IL1RL1: variants seen among roughly 807,000 people sequenced by gnomAD.
IL1RL1 encodes interleukin 1 receptor like 1, also known as interleukin-1 receptor-like 1.
Under a neutral mutation model 50.9 loss-of-function variants are expected in IL1RL1, and 32 were observed. The observed-to-expected ratio is 0.63, with a 90% confidence interval of 0.47 to 0.84. IL1RL1 has a LOEUF of 0.84. IL1RL1 is among the 40% of genes least tolerant of loss of function. IL1RL1 has a pLI of 0.00. For synonymous variants in IL1RL1, 275 were observed against 236.0 expected, an observed-to-expected ratio of 1.17 and a Z score of -1.51; for missense variants, 773 against 662.9, an observed-to-expected ratio of 1.17 and a Z score of -1.82.
intron 10 of IL1RL1, among the ~76,000 whole-genome samples, chr2:102,350,750 G>A (rs1453144053): frequency 1.4e-5 from 1 of 72,202 alleles, no homozygotes; most frequent in Admixed American, 1.0e-4. Context: ...CTCCACGTGG[G>A]GCTTCTGGAG....
chr2:102,328,278 A>C (rs2104971840), intron 1 of IL1RL1, among the ~76,000 whole-genome samples: 1 of 152,332 alleles, frequency 6.6e-6, no homozygotes, highest in African/African-American at 2.4e-5. Flanking sequence ...CAATAGATGC[A>C]GAAAAGGCCT....
At position 102,347,207 on chromosome 2, in the gene IL1RL1, C is replaced by T. The variant is rs148777762; in HGVS notation, c.971-738C>T. Among the ~76,000 whole-genome samples, 9 of 152,266 alleles carry T rather than the reference C, an allele frequency of 5.9e-5. No homozygotes were observed. In the South Asian group the frequency reaches 1.0e-3, roughly 18 times the overall value. On this transcript the variant is annotated intron_variant, in intron 8 of 10. Coordinates refer to ENST00000233954, the MANE Select transcript of IL1RL1 (RefSeq NM_016232.5). Reference sequence around the variant, plus strand: ...CTTAATGCCCTGACAGCACCTTGTCCGTTCCTTTCTCATTATTGCATGAGT... The same window carrying T: ...CTTAATGCCCTGACAGCACCTTGTCTGTTCCTTTCTCATTATTGCATGAGT...
intron 1 of IL1RL1, among the ~76,000 whole-genome samples, chr2:102,337,509 A>T (rs1046580220): frequency 6.6e-6 from 1 of 152,184 alleles, no homozygotes; most frequent in African/African-American, 2.4e-5. Context: ...AAATTAATGT[A>T]TTTATTATTA....
chr2:102,317,360 A>G (rs1676707924), intron 1 of IL1RL1, among the ~76,000 whole-genome samples: 1 of 152,206 alleles, frequency 6.6e-6, no homozygotes, highest in Non-Finnish European at 1.5e-5. Context: ...TCTCAAAAAA[A>G]AAAGTTTCAG....
At chr2:102,335,063 A>C (rs951678707) in intron 1 of IL1RL1, among the ~76,000 whole-genome samples, 9 of 152,206 alleles carry the variant, frequency 5.9e-5, no homozygotes, top group Non-Finnish European at 1.0e-4. Context: ...AGTCTTAAAA[A>C]AGTGGGTGTT....
chr2:102,332,487 G>A (rs1189718884), intron 1 of IL1RL1, among the ~76,000 whole-genome samples: 1 of 152,178 alleles, frequency 6.6e-6, no homozygotes, highest in Non-Finnish European at 1.5e-5. Flanking sequence ...AAACAATAAA[G>A]TACAGACCCA....
chr2:102,326,155 T>C (rs1214645607), intron 1 of IL1RL1, among the ~76,000 whole-genome samples: 1 of 152,236 alleles, frequency 6.6e-6, no homozygotes, highest in East Asian at 1.9e-4. Flanking sequence ...GCTGATCTCT[T>C]GGCAGAAACT....
intron 1 of IL1RL1, among the ~76,000 whole-genome samples, chr2:102,315,834 T>A (rs900238966): frequency 6.6e-6 from 1 of 152,210 alleles, no homozygotes; most frequent in African/African-American, 2.4e-5. Context: ...ACATTAAGAC[T>A]TTTGAAACTA....
chr2:102,351,807 TA>T lies in IL1RL1; in HGVS notation c.1561del (p.Arg521GlyfsTer3), dbSNP rs759558814. The T allele has an allele frequency of 3.5e-5, 57 of 1,613,842 alleles. No individual in the cohort carries two copies. Among genetic ancestry groups the T allele is most frequent in the Non-Finnish European group, 4.7e-5 (56 of 1,179,968 alleles). The stretch of plus-strand genomic sequence containing the variant: ...AGTGGAGGGAGGACCACATTGCCAA[TA>T]AAAGGTCCCTGAATTCTAAATTCTG... The part of the protein sequence containing the change: ...IKWREDHIAN[K>X]RSLNSKFWKH... On this transcript the variant is annotated frameshift_variant, in exon 11 of 11. Coordinates refer to ENST00000233954, the MANE Select transcript of IL1RL1 (RefSeq NM_016232.5). LOFTEE classifies it low-confidence loss of function (END_TRUNC).
chr2:102,351,813 G>A lies in IL1RL1; in HGVS notation c.1563G>A (p.Arg521=). ...KWREDHIANK[R]SLNSKFWKHV... is the part of the protein sequence containing the mutation. ...GGGAGGACCACATTGCCAATAAAAG[G>A]TCCCTGAATTCTAAATTCTGGAAGC... Residue 521 remains arginine (R), a synonymous_variant, in exon 11 of 11, where the codon AGG becomes AGA. Coordinates refer to ENST00000233954, the MANE Select transcript of IL1RL1 (RefSeq NM_016232.5). 4 of 1,614,058 alleles carry A rather than the reference G, an allele frequency of 2.5e-6. No individual in the cohort carries two copies. The highest frequency in any genetic ancestry group is 1.3e-5 in the African/African-American group (1 of 75,010).
intron 1 of IL1RL1, among the ~76,000 whole-genome samples, chr2:102,327,581 A>G (rs368015404): frequency 1.3e-5 from 2 of 152,164 alleles, no homozygotes; most frequent in Non-Finnish European, 2.9e-5. Flanking sequence ...TTTTTTGAAA[A>G]GATCAACAAA....
chr2:102,348,828 G>A (rs1677851053), intron 9 of IL1RL1, among the ~76,000 whole-genome samples: 1 of 152,194 alleles, frequency 6.6e-6, no homozygotes, highest in Non-Finnish European at 1.5e-5. Flanking sequence ...GAGATGGACA[G>A]GTTCTTGTCC....
intron 1 of IL1RL1, among the ~76,000 whole-genome samples, chr2:102,329,069 C>T (rs866966133): frequency 5.3e-5 from 8 of 152,250 alleles, no homozygotes; most frequent in African/African-American, 9.6e-5. Flanking sequence ...GGAGGCATCA[C>T]GCTACCTGAC....
At chr2:102,313,521 G>A (rs1676582030) in intron 1 of IL1RL1, 1 of 152,172 alleles carries the variant, frequency 6.6e-6, no homozygotes, top group Admixed American at 6.5e-5. Flanking sequence ...TGTATCTGGG[G>A]TGTCTTCAGT....
intron 1 of IL1RL1, among the ~76,000 whole-genome samples, chr2:102,325,528 A>T (rs761951012): frequency 2.6e-5 from 4 of 152,220 alleles, no homozygotes; most frequent in Non-Finnish European, 5.9e-5. Flanking sequence ...TTGAGAGAAG[A>T]AGGCTTCAGA....
Position 102,338,835 on chromosome 2 carries a change from A to G in IL1RL1, c.62-2A>G. 4.4e-6 allele frequency: 7 copies of G among 1,601,866 alleles called. No homozygotes were observed. Among genetic ancestry groups the G allele is most frequent in the Non-Finnish European group, 6.0e-6 (7 of 1,169,336 alleles). On this transcript the variant is annotated splice_acceptor_variant, in intron 2 of 10. Transcript: ENST00000233954. LOFTEE classifies it high-confidence loss of function. Reference sequence around the variant, plus strand: ...GATTGTCTTTATATCTTTTATTTGCAGGTAAACAATCATGGGGCCTGGAAA... The same window carrying G: ...GATTGTCTTTATATCTTTTATTTGCGGGTAAACAATCATGGGGCCTGGAAA...
chr2:102,324,436 A>G (rs1676930880), intron 1 of IL1RL1, among the ~76,000 whole-genome samples: 1 of 152,204 alleles, frequency 6.6e-6, no homozygotes, highest in Non-Finnish European at 1.5e-5. Flanking sequence ...GACACAGAAG[A>G]CAGGTGATTT....
chr2:102,324,537 C>A (rs1676934146), intron 1 of IL1RL1, among the ~76,000 whole-genome samples: 2 of 152,156 alleles, frequency 1.3e-5, no homozygotes, highest in African/African-American at 4.8e-5. Flanking sequence ...TGAGCGTGAG[C>A]CAAAGCAGGG....
At chr2:102,323,817 C>G (rs1413525750) in intron 1 of IL1RL1, among the ~76,000 whole-genome samples, 1 of 152,094 alleles carries the variant, frequency 6.6e-6, no homozygotes, top group Admixed American at 6.6e-5. Flanking sequence ...CCTCTGAAAC[C>G]ATCATCTCAA....
Sources: allele counts gnomAD v4.1 joint callset (sites outside exome capture counted in the v4.1 genomes callset), GRCh38; gene constraint gnomAD v4.1.1; transcripts MANE v1.5; gene names NCBI Gene and HGNC (gene_info 2026-07-23, HGNC 2026-07-21).